Variants in SETSIP observed in about 807,000 individuals in gnomAD.
The protein encoded by SETSIP is protein SETSIP.
A neutral mutation model predicts 21.9 loss-of-function variants in SETSIP; 15 were observed. The ratio of observed to expected loss-of-function variants is 0.69; its 90% confidence interval spans 0.46 to 1.06. SETSIP has a LOEUF of 1.06. Ranked by LOEUF, SETSIP falls within the 50% of genes least tolerant of loss-of-function variation. The pLI, the probability that SETSIP is intolerant of heterozygous loss-of-function variation, is 0.00. For synonymous variants in SETSIP, 101 were observed against 121.2 expected (o/e 0.83, Z 1.09); for missense variants, 310 against 337.4 (o/e 0.92, Z 0.64).
At chr1:92,075,002 A>G in exon 1 of SETSIP, 1 of 1,611,702 alleles carries the variant, frequency 6.2e-7, no homozygotes, top group Non-Finnish European at 8.5e-7. Context: ...ATAAAAATCT[A>G]TTCTGTAACC....
exon 1 of SETSIP, chr1:92,075,144 T>C: frequency 1.2e-6 from 2 of 1,611,932 alleles, no homozygotes; most frequent in African/African-American, 2.7e-5. Context: ...TTTGGGATTT[T>C]GGCGATCAAT....
exon 1 of SETSIP, chr1:92,074,588 T>A (rs1647797599): frequency 1.3e-6 from 2 of 1,567,572 alleles, no homozygotes; most frequent in Non-Finnish European, 1.7e-6. Flanking sequence ...ATCATCTTCA[T>A]CTTCTTCACC....
chr1:92,074,996 A>G, exon 1 of SETSIP: 1 of 1,611,382 alleles, frequency 6.2e-7, no homozygotes, highest in South Asian at 1.1e-5. Context: ...ATCAAAATAA[A>G]AATCTATTCT....
exon 1 of SETSIP, chr1:92,074,546 CCTT>C (rs1647795363): frequency 6.4e-7 from 1 of 1,573,128 alleles, no homozygotes; most frequent in Non-Finnish European, 8.6e-7. Flanking sequence ...GTCATCTTCT[CCTT>C]CATCCTCCTC....
Position 92,075,372 on chromosome 1 carries a change from T to C in SETSIP, c.40A>G (p.Lys14Glu), listed in dbSNP as rs1647816420. 2.5e-6 allele frequency: 4 copies of C among 1,605,788 alleles called. No homozygotes were observed. The Admixed American group carries it at 5.1e-5, about 21-fold the overall frequency. ...AGAGCAGGAGGTGGTCTTGGTTTCT[T>C]CTTTTGAAGTGGGAGTGGAGACTGG... The change falls in exon 1 of 1, where the codon AAG becomes GAG. Residue 14 changes from lysine to glutamate, a missense_variant. Coordinates refer to ENST00000596516, the Ensembl canonical transcript of SETSIP.
exon 1 of SETSIP, chr1:92,074,701 A>G: frequency 6.3e-7 from 1 of 1,599,530 alleles, no homozygotes; most frequent in Non-Finnish European, 8.5e-7. Flanking sequence ...CATCATCCAT[A>G]TCAGGAACCA....
At chr1:92,074,682 C>T in exon 1 of SETSIP, 1 of 1,591,944 alleles carries the variant, frequency 6.3e-7, no homozygotes, top group African/African-American at 1.3e-5. Context: ...TCATCTTCTC[C>T]TCCTTCTTCA....
At position 92,074,625 on chromosome 1, in the gene SETSIP, C is replaced by G. The variant is rs116251729; in HGVS notation, c.787G>C (p.Asp263His). ...TCATCCTCATCCCCTTCATCAATAT[C>G]TTCTAATTCTTCCTCCCCTTCATCA... The change falls in exon 1 of 1, where the codon GAT (aspartate) becomes CAT (histidine). Residue 263 changes from aspartate to histidine, a missense_variant. Coordinates refer to ENST00000596516, the Ensembl canonical transcript of SETSIP. The G allele has an allele frequency of 6.2e-4, 976 of 1,569,594 alleles. 6 individuals carry two copies. In the African/African-American group the frequency reaches 0.012, roughly 20 times the overall value.
chr1:92,075,123 T>C, exon 1 of SETSIP: 2 of 1,611,924 alleles, frequency 1.2e-6, no homozygotes, highest in Non-Finnish European at 1.7e-6. Context: ...ACAAATGTTG[T>C]TACCCCAAAA....
chr1:92,074,720 T>G, exon 1 of SETSIP: 1 of 1,605,112 alleles, frequency 6.2e-7, no homozygotes, highest in Non-Finnish European at 8.5e-7. Context: ...CAAGTAATAC[T>G]GTAATGGGTT....
At chr1:92,075,176 G>C in exon 1 of SETSIP, 2 of 1,611,754 alleles carry the variant, frequency 1.2e-6, no homozygotes, top group South Asian at 2.2e-5. Context: ...CTGAAAAAAT[G>C]GTTGGCGGAG....
exon 1 of SETSIP, chr1:92,075,362 C>T: frequency 6.2e-7 from 1 of 1,608,648 alleles, no homozygotes; most frequent in Non-Finnish European, 8.5e-7. Flanking sequence ...AGGAGGTGGT[C>T]TTGGTTTCTT....
exon 1 of SETSIP, chr1:92,075,292 T>C (rs1293574080): frequency 3.1e-6 from 5 of 1,611,908 alleles, no homozygotes; most frequent in Non-Finnish European, 3.4e-6. Context: ...CTTCTTGCTG[T>C]TCTTTTTCTC....
chr1:92,074,880 C>A, exon 1 of SETSIP: 1 of 1,611,800 alleles, frequency 6.2e-7, no homozygotes, highest in South Asian at 1.1e-5. Context: ...TTCGTCACAT[C>A]CTTTCCAGAT....
At chr1:92,075,386 A>C (rs761874462) in exon 1 of SETSIP, 117 of 1,599,766 alleles carry the variant, frequency 7.3e-5, no homozygotes, top group Non-Finnish European at 9.6e-5. Flanking sequence ...TTGAAGTGGG[A>C]GTGGAGACTG....
chr1:92,075,189 T>G lies in SETSIP; in HGVS notation c.223A>C (p.Lys75Gln), dbSNP rs933554843. The change falls in exon 1 of 1, where the codon AAA becomes CAA. Residue 75 changes from lysine (K) to glutamine (Q), a missense_variant. Coordinates refer to ENST00000596516, the Ensembl canonical transcript of SETSIP. ...TTCTGAAAAAATGGTTGGCGGAGTT[T>G]GTTATATTTCTGTTCTACTTTCAAA... 4 of 1,611,704 alleles carry G rather than the reference T, an allele frequency of 2.5e-6. No homozygotes were observed. The African/African-American group carries it at 4.0e-5, about 16-fold the overall frequency.
exon 1 of SETSIP, chr1:92,074,734 C>A (rs55828025): frequency 3.1e-6 from 5 of 1,607,664 alleles, no homozygotes; most frequent in African/African-American, 2.7e-5. Flanking sequence ...ATGGGTTTGG[C>A]CAAATATCAT....
chr1:92,074,880 C>T (rs779105583), exon 1 of SETSIP: 8 of 1,611,682 alleles, frequency 5.0e-6, no homozygotes, highest in South Asian at 2.2e-5. Flanking sequence ...TTCGTCACAT[C>T]CTTTCCAGAT....
At chr1:92,074,838 T>C (rs1347259928) in exon 1 of SETSIP, 1 of 1,611,548 alleles carries the variant, frequency 6.2e-7, no homozygotes, top group African/African-American at 1.3e-5. Context: ...TGCCTCTTCC[T>C]GCTGGCTTTA....
Sources: gnomAD v4.1 joint callset for allele counts on GRCh38, gnomAD v4.1.1 for gene constraint, MANE v1.5 for transcripts, NCBI Gene and HGNC (gene_info 2026-07-23, HGNC 2026-07-21) for gene names.